Variants in AK4 observed in about 807,000 individuals in gnomAD.
AK4 encodes adenylate kinase 4, also known as adenylate kinase 4, mitochondrial.
In AK4, 13 loss-of-function variants were observed where a neutral mutation model predicts 24.6. That is an observed-to-expected ratio of 0.53 (90% confidence interval 0.34 to 0.84). The LOEUF is 0.84. AK4 is among the 40% of genes least tolerant of loss of function. AK4 has a pLI of 0.01. For synonymous variants in AK4, 88 were observed against 107.0 expected (o/e 0.82, Z 1.10); for missense variants, 192 against 288.2 (o/e 0.67, Z 2.42).
At position 65,172,819 on chromosome 1, in the gene AK4, C is replaced by T. The variant is rs1321426402; in HGVS notation, c.146-17891C>T. On this transcript the variant is annotated intron_variant, in intron 1 of 4. Coordinates refer to ENST00000327299, the MANE Select transcript of AK4 (RefSeq NM_013410.4). ...CGATGCTTTCTTCTCTTCTTCTTCG[C>T]TATTTCTACTTCTGGGCCATCTTGG... 6.1e-5 allele frequency among the ~76,000 whole-genome samples: 9 copies of T among 148,546 alleles called. No individual in the cohort carries two copies. The Admixed American group carries it at 6.1e-4, about 10-fold the overall frequency.
intron 2 of AK4, among the ~76,000 whole-genome samples, chr1:65,196,759 C>A (rs951241126): frequency 3.9e-5 from 6 of 152,144 alleles, no homozygotes; most frequent in African/African-American, 1.2e-4. Flanking sequence ...AGCCACTGCA[C>A]CTGGCTAATT....
At chr1:65,157,604 C>T (rs546006082) in intron 1 of AK4, among the ~76,000 whole-genome samples, 10 of 152,072 alleles carry the variant, frequency 6.6e-5, no homozygotes, top group South Asian at 2.1e-4. Flanking sequence ...GATAACGTAG[C>T]GAGACCTCAT....
chr1:65,181,146 T>TGTGTGGGC, intron 1 of AK4, among the ~76,000 whole-genome samples: 1 of 144,264 alleles, frequency 6.9e-6, no homozygotes, highest in Middle Eastern at 3.4e-3. Context: ...AGGATACAGA[T>TGTGTGGGC]GTGTGGGTGT....
At chr1:65,180,732 G>T (rs1287722149) in intron 1 of AK4, among the ~76,000 whole-genome samples, 1 of 152,196 alleles carries the variant, frequency 6.6e-6, no homozygotes, top group African/African-American at 2.4e-5. Flanking sequence ...GGGAGATAAA[G>T]AACTTGCAGC....
At chr1:65,186,908 C>A (rs1173778407) in intron 1 of AK4, among the ~76,000 whole-genome samples, 1 of 151,942 alleles carries the variant, frequency 6.6e-6, no homozygotes, top group East Asian at 1.9e-4. Flanking sequence ...AGAAACAACC[C>A]AAATATCCAT....
intron 1 of AK4, among the ~76,000 whole-genome samples, chr1:65,188,949 TA>T (rs1213708950): frequency 6.6e-6 from 1 of 151,928 alleles, no homozygotes; most frequent in East Asian, 1.9e-4. Context: ...TTTTTATTTT[TA>T]TTTTTTTTGC....
intron 1 of AK4, among the ~76,000 whole-genome samples, chr1:65,161,178 A>C (rs2100992943): frequency 6.6e-6 from 1 of 152,204 alleles, no homozygotes; most frequent in South Asian, 2.1e-4. Context: ...TCAAAAATAG[A>C]AGCCATTTGG....
chr1:65,153,179 CTA>C (rs1248494362), intron 1 of AK4, among the ~76,000 whole-genome samples: 1 of 152,182 alleles, frequency 6.6e-6, no homozygotes, highest in East Asian at 1.9e-4. Flanking sequence ...TTGAAGAACA[CTA>C]TTTGTGACTT....
chr1:65,175,441 C>T (rs1362986455), intron 1 of AK4, among the ~76,000 whole-genome samples: 1 of 152,224 alleles, frequency 6.6e-6, no homozygotes, highest in Non-Finnish European at 1.5e-5. Flanking sequence ...AGCAGCCTTG[C>T]TTCTGCTGAG....
intron 1 of AK4, among the ~76,000 whole-genome samples, chr1:65,158,996 C>A (rs1650067691): frequency 6.6e-6 from 1 of 152,184 alleles, no homozygotes; most frequent in Non-Finnish European, 1.5e-5. Flanking sequence ...ACAGTCTCAC[C>A]TCTAAGTTCT....
In AK4 at chr1:65,180,897, C is replaced by T. The variant is rs181520145; in HGVS notation, c.146-9813C>T. Among the ~76,000 whole-genome samples, 225 of 152,276 alleles carry T rather than the reference C, an allele frequency of 1.5e-3. 1 individual carries two copies. The highest frequency in any genetic ancestry group is 2.1e-3 in the Non-Finnish European group (140 of 68,030). On this transcript the variant is annotated intron_variant, in intron 1 of 4. Coordinates refer to ENST00000327299, the MANE Select transcript of AK4 (RefSeq NM_013410.4). ...AGGGTGAGCAAGGCTTCTCCTAGTT[C>T]TGTCCCATACATGCAGTCTGATACT...
intron 2 of AK4, among the ~76,000 whole-genome samples, chr1:65,208,811 T>C (rs1284877560): frequency 1.3e-5 from 2 of 152,202 alleles, no homozygotes; most frequent in Admixed American, 1.3e-4. Context: ...AGTGTCCTAC[T>C]TTCTATTCCC....
chr1:65,202,640 G>T (rs1389328886), intron 2 of AK4, among the ~76,000 whole-genome samples: 1 of 152,064 alleles, frequency 6.6e-6, no homozygotes, highest in Admixed American at 6.6e-5. Flanking sequence ...TATGAAACAG[G>T]TAATTCATCC....
chr1:65,216,841 A>G (rs1285121476), intron 2 of AK4, among the ~76,000 whole-genome samples: 2 of 124,684 alleles, frequency 1.6e-5, no homozygotes, highest in East Asian at 3.9e-4. Flanking sequence ...AACTACAGGC[A>G]TGCATCACCA....
In AK4 at chr1:65,226,914, A is replaced by G. The variant is rs1652481991; in HGVS notation, c.*737A>G. 1 of 148,576 alleles carries G rather than the reference A, an allele frequency of 6.7e-6. No individual in the cohort carries two copies. Among genetic ancestry groups the G allele is most frequent in the Non-Finnish European group, 1.5e-5 (1 of 67,676 alleles). The allele number at this position is 148,576 out of a possible 1,614,324, so 9.2% of individuals were successfully genotyped here. A position where few individuals can be genotyped will look rare whatever the true frequency, so the allele number is the denominator to read the frequency against. On this transcript the variant is annotated 3_prime_UTR_variant, in exon 5 of 5. Transcript: ENST00000327299. Reference sequence around the variant, plus strand: ...TCTAATAACTGAGAGCGATGGGGCTATATTGAATCTCTGTATGCACTGAGA... The same window carrying G: ...TCTAATAACTGAGAGCGATGGGGCTGTATTGAATCTCTGTATGCACTGAGA...
intron 2 of AK4, among the ~76,000 whole-genome samples, chr1:65,194,742 G>A (rs1378014537): frequency 2.6e-5 from 4 of 152,196 alleles, no homozygotes; most frequent in East Asian, 1.9e-4. Flanking sequence ...GATTACAGGC[G>A]TGAGCCACAC....
intron 1 of AK4, among the ~76,000 whole-genome samples, chr1:65,180,666 AT>A (rs1372015048): frequency 1.3e-5 from 2 of 152,206 alleles, no homozygotes; most frequent in East Asian, 1.9e-4. Context: ...TCTTCACTGT[AT>A]TTTTTCCCCC....
chr1:65,150,413 C>G (rs184871602), intron 1 of AK4, among the ~76,000 whole-genome samples: 4 of 149,664 alleles, frequency 2.7e-5, no homozygotes, highest in Non-Finnish European at 5.9e-5. Context: ...TTTCTTTTTT[C>G]TGTTGGGAAT....
At chr1:65,164,993 C>T (rs971405876) in intron 1 of AK4, among the ~76,000 whole-genome samples, 50 of 152,292 alleles carry the variant, frequency 3.3e-4, no homozygotes, top group African/African-American at 1.2e-3. Context: ...ACTTATTAAG[C>T]ACTTGTAAAA....
Sources: allele counts gnomAD v4.1 joint callset (sites outside exome capture counted in the v4.1 genomes callset), GRCh38; gene constraint gnomAD v4.1.1; transcripts MANE v1.5; gene names NCBI Gene and HGNC (gene_info 2026-07-23, HGNC 2026-07-21).